The following BLTP1 variants were observed in gnomAD, a reference collection of about 807,000 sequenced individuals.
BLTP1 encodes the protein fragile site-associated protein.
At chr4:122,182,745 T>C in the BLTP1 span, 4 of 985,304 alleles carry the variant, frequency 4.1e-6, no homozygotes, top group Non-Finnish European at 3.6e-6. Flanking sequence ...TCACATTCAC[T>C]GCTCCCTTTC....
the BLTP1 span, chr4:122,219,452 A>T: frequency 4.3e-6 from 7 of 1,614,018 alleles, no homozygotes; most frequent in African/African-American, 9.3e-5. Flanking sequence ...GTTGGAATGG[A>T]AAATGACAAA....
At chr4:122,154,319 A>C in the BLTP1 span, 1 of 984,448 alleles carries the variant, frequency 1.0e-6, no homozygotes, top group Non-Finnish European at 1.2e-6. Flanking sequence ...GGGTCTTCTG[A>C]CTTTCTGCTT....
chr4:122,219,752 T>G, the BLTP1 span, among the ~76,000 whole-genome samples: 3 of 152,238 alleles, frequency 2.0e-5, no homozygotes, highest in African/African-American at 7.2e-5. Flanking sequence ...TTGGTAATTT[T>G]TATTTTCTAT....
At chr4:122,309,323 ACT>A in the BLTP1 span, 2 of 1,613,320 alleles carry the variant, frequency 1.2e-6, no homozygotes, top group Non-Finnish European at 1.7e-6. Flanking sequence ...CATTGAAAGT[ACT>A]CTCATCACTG....
the BLTP1 span, chr4:122,208,445 T>A: frequency 9.2e-6 from 9 of 982,470 alleles, no homozygotes; most frequent in African/African-American, 1.7e-5. Context: ...CAAATGAAGA[T>A]CCTTTGATTT....
chr4:122,243,587 CA>C, the BLTP1 span: 2 of 365,070 alleles, frequency 5.5e-6, no homozygotes, highest in Non-Finnish European at 7.6e-6. Context: ...CTTTTTAGTA[CA>C]AAAAATACAA....
chr4:122,265,916 C>T, the BLTP1 span, among the ~76,000 whole-genome samples: 2 of 152,178 alleles, frequency 1.3e-5, no homozygotes, highest in South Asian at 4.1e-4. Context: ...CCAGGATGGT[C>T]TCGATCTGAC....
At chr4:122,212,398 G>T in the BLTP1 span, among the ~76,000 whole-genome samples, 1 of 152,074 alleles carries the variant, frequency 6.6e-6, no homozygotes, top group East Asian at 1.9e-4. Flanking sequence ...ACTTTCTTGA[G>T]ATTGCATGTG....
At chr4:122,216,261 A>G in the BLTP1 span, among the ~76,000 whole-genome samples, 2 of 151,926 alleles carry the variant, frequency 1.3e-5, no homozygotes, top group Admixed American at 6.6e-5. Context: ...TCATATAATG[A>G]CTTCTTTTCT....
chr4:122,200,178 C>T, the BLTP1 span: 7 of 917,272 alleles, frequency 7.6e-6, no homozygotes, highest in Non-Finnish European at 9.1e-6. Context: ...TATAAATATA[C>T]CTTAAAGTGG....
chr4:122,249,533 TTTTA>T, the BLTP1 span: 1 of 1,613,656 alleles, frequency 6.2e-7, no homozygotes, highest in Non-Finnish European at 8.5e-7. Flanking sequence ...AAGTCCAAAG[TTTTA>T]TTTACTCTTG....
the BLTP1 span, chr4:122,281,809 T>C: frequency 2.8e-5 from 40 of 1,451,404 alleles, no homozygotes; most frequent in Non-Finnish European, 3.3e-5. Context: ...CTCTTAAAAT[T>C]TATGATTTGT....
chr4:122,327,618 A>T, the BLTP1 span, among the ~76,000 whole-genome samples: 1 of 151,792 alleles, frequency 6.6e-6, no homozygotes, highest in East Asian at 1.9e-4. Flanking sequence ...AAAGATCCAC[A>T]AAAAGCATCC....
the BLTP1 span, chr4:122,325,292 C>A: frequency 6.2e-7 from 1 of 1,608,604 alleles, no homozygotes; most frequent in Non-Finnish European, 8.5e-7. Flanking sequence ...TCTCCTGGAC[C>A]TAGAGTAACT....
At chr4:122,161,033 A>G in the BLTP1 span, 3 of 345,106 alleles carry the variant, frequency 8.7e-6, no homozygotes, top group African/African-American at 2.2e-5. Context: ...AATTTCTAGT[A>G]TACAGTAATG....
At chr4:122,330,522 T>C in the BLTP1 span, among the ~76,000 whole-genome samples, 1 of 151,946 alleles carries the variant, frequency 6.6e-6, no homozygotes, top group Non-Finnish European at 1.5e-5. Flanking sequence ...GCTGATTCTT[T>C]GGAGAAATGT....
the BLTP1 span, chr4:122,249,016 A>G: frequency 5.2e-6 from 5 of 955,190 alleles, no homozygotes; most frequent in African/African-American, 8.8e-5. Context: ...ATCTGTAAGC[A>G]GTGGAACCAT....
chr4:122,298,540 T>G, the BLTP1 span: 2 of 357,960 alleles, frequency 5.6e-6, no homozygotes, highest in African/African-American at 4.4e-5. Flanking sequence ...AAGAAGATTC[T>G]ATAATCCATT....
At chr4:122,250,318 A>C in the BLTP1 span, 3 of 1,543,572 alleles carry the variant, frequency 1.9e-6, no homozygotes, top group Non-Finnish European at 2.7e-6. Context: ...GCATTAAGAC[A>C]CTTATTCACC....
Sources: gnomAD v4.1 joint callset for allele counts (sites outside exome capture counted in the v4.1 genomes callset) on GRCh38, gnomAD v4.1.1 for gene constraint, MANE v1.5 for transcripts, NCBI Gene and HGNC (gene_info 2026-07-23, HGNC 2026-07-21) for gene names.